Variants in TMEM154 observed in about 807,000 individuals in gnomAD.
The protein encoded by TMEM154 is transmembrane protein 154.
TMEM154 carries 27 observed loss-of-function variants against 24.5 expected under a neutral mutation model. That is an observed-to-expected ratio of 1.10 (90% CI 0.81 to 1.52). TMEM154 has a LOEUF of 1.52. TMEM154 is among the 40% of genes most tolerant of loss of function. The pLI is 0.00. For missense variants in TMEM154, 228 were observed against 213.4 expected, an observed-to-expected ratio of 1.07 and a Z score of -0.43; for synonymous variants, 67 against 76.8, an observed-to-expected ratio of 0.87 and a Z score of 0.67.
intron 1 of TMEM154, among the ~76,000 whole-genome samples, chr4:152,679,375 CTTTTTTT>C (rs370759340): frequency 7.1e-6 from 1 of 141,698 alleles, no homozygotes; most frequent in African/African-American, 2.6e-5. Flanking sequence ...TTCCCGTTTC[CTTTTTTT>C]TTTTTTAAGT....
chr4:152,651,063 A>G (rs1419790011), intron 3 of TMEM154, among the ~76,000 whole-genome samples: 2 of 152,234 alleles, frequency 1.3e-5, no homozygotes, highest in Non-Finnish European at 2.9e-5. Flanking sequence ...AGAATGGTAA[A>G]CAAGAATTGA....
rs1421521254 is a variant in TMEM154 at position 152,627,239 on chromosome 4, C to A, written c.*1307G>T. The A allele has an allele frequency of 6.6e-6, 1 of 152,196 alleles. No homozygotes were observed. Among genetic ancestry groups the A allele is most frequent in the Non-Finnish European group, 1.5e-5 (1 of 68,030 alleles). The allele number at this position is 152,196 out of a possible 1,614,324, so 9.4% of individuals were successfully genotyped here. On this transcript the variant is annotated 3_prime_UTR_variant, in exon 7 of 7. Coordinates refer to ENST00000304385, the MANE Select transcript of TMEM154 (RefSeq NM_152680.3). ...TTAGGGCAGACTTTCAAGCACAAGACACAAAATTGAGCAGCAAATGTTTGG... is the reference window on the plus strand; with the variant it reads ...TTAGGGCAGACTTTCAAGCACAAGAAACAAAATTGAGCAGCAAATGTTTGG...
chr4:152,647,311 T>C (rs1026827938), intron 3 of TMEM154: 2 of 985,214 alleles, frequency 2.0e-6, no homozygotes, highest in African/African-American at 1.7e-5. Flanking sequence ...TGACCTTCCA[T>C]GATAGTTGTA....
At chr4:152,663,628 C>G (rs1728660050) in intron 1 of TMEM154, among the ~76,000 whole-genome samples, 1 of 152,240 alleles carries the variant, frequency 6.6e-6, no homozygotes, top group Non-Finnish European at 1.5e-5. Context: ...GACCGCAACA[C>G]AAACTCTCCC....
intron 5 of TMEM154, 52 bp downstream of exon 5, chr4:152,643,036 C>G: frequency 7.5e-7 from 1 of 1,332,202 alleles, no homozygotes; most frequent in Non-Finnish European, 1.1e-6. Flanking sequence ...GCTGTTGCAG[C>G]CTTCTGTTAC....
chr4:152,629,295 C>T (rs938036834), intron 6 of TMEM154, among the ~76,000 whole-genome samples: 3 of 152,202 alleles, frequency 2.0e-5, no homozygotes, highest in African/African-American at 7.2e-5. Context: ...GTTTGTGGTC[C>T]TGGCATGTCT....
intron 1 of TMEM154, among the ~76,000 whole-genome samples, chr4:152,673,286 C>T (rs1480643612): frequency 6.6e-6 from 1 of 151,532 alleles, no homozygotes; most frequent in Non-Finnish European, 1.5e-5. Flanking sequence ...CCCGCTTCTG[C>T]ATAATAATTT....
chr4:152,632,404 G>C (rs985162006), intron 6 of TMEM154, among the ~76,000 whole-genome samples: 1 of 152,124 alleles, frequency 6.6e-6, no homozygotes, highest in Non-Finnish European at 1.5e-5. Context: ...AGCATGACAC[G>C]CTCCCTGTGA....
At chr4:152,651,605 T>C (rs1728384029) in intron 3 of TMEM154, among the ~76,000 whole-genome samples, 1 of 152,216 alleles carries the variant, frequency 6.6e-6, no homozygotes. Context: ...TGGATTAGGC[T>C]TAGGCTTAAG....
chr4:152,665,354 G>T (rs1186654009), intron 1 of TMEM154, among the ~76,000 whole-genome samples: 9 of 152,178 alleles, frequency 5.9e-5, no homozygotes, highest in Non-Finnish European at 2.9e-5. Flanking sequence ...AGCCACACCA[G>T]ATCATTCCCT....
At chr4:152,665,225 T>A (rs56129517) in intron 1 of TMEM154, among the ~76,000 whole-genome samples, 17,138 of 152,178 alleles carry the variant, frequency 0.11, 1,036 homozygotes, top group Middle Eastern at 0.17. Flanking sequence ...TCGATCAATC[T>A]AAATATTTAG....
At position 152,644,267 on chromosome 4, in the gene TMEM154, C is replaced by T. The variant is rs1579516350; in HGVS notation, c.392+148G>A. On this transcript the variant is annotated intron_variant, in intron 4 of 6. Coordinates refer to ENST00000304385, the MANE Select transcript of TMEM154 (RefSeq NM_152680.3). ...GGTTTGGGGATGCCAGCACATCCTC[C>T]CTCAGGCTGCCAAGGATCTCCAACC... 3.7e-6 allele frequency: 3 copies of T among 806,502 alleles called. No individual in the cohort carries two copies. The South Asian group carries it at 4.3e-5, about 12-fold the overall frequency. 50.0% of individuals were successfully genotyped at this position (806,502 alleles called of 1,614,324 possible). A position where few individuals can be genotyped will look rare whatever the true frequency, so the allele number is the denominator to read the frequency against.
At chr4:152,642,444 A>T (rs974873623) in intron 5 of TMEM154, among the ~76,000 whole-genome samples, 5 of 152,316 alleles carry the variant, frequency 3.3e-5, no homozygotes, top group African/African-American at 1.2e-4. Flanking sequence ...CCCATTATTG[A>T]TTTACTAAAA....
At chr4:152,645,849 G>C (rs935401066) in intron 3 of TMEM154, among the ~76,000 whole-genome samples, 3 of 151,680 alleles carry the variant, frequency 2.0e-5, no homozygotes, top group African/African-American at 7.3e-5. Flanking sequence ...GGAGCTGCAG[G>C]CTATGTCCTC....
intron 5 of TMEM154, chr4:152,641,201 C>T: frequency 2.0e-6 from 1 of 510,476 alleles, no homozygotes; most frequent in African/African-American, 2.0e-5. Flanking sequence ...TTCAACATGC[C>T]TCTGACACTG....
chr4:152,628,869 T>C (rs1477772092), intron 6 of TMEM154, among the ~76,000 whole-genome samples: 1 of 151,358 alleles, frequency 6.6e-6, no homozygotes, highest in Admixed American at 6.6e-5. Context: ...ATGGTCTCGA[T>C]CTCCTGACCT....
intron 1 of TMEM154, among the ~76,000 whole-genome samples, chr4:152,653,809 T>C (rs1486045850): frequency 1.3e-5 from 2 of 151,350 alleles, no homozygotes; most frequent in South Asian, 4.2e-4. Flanking sequence ...GAGGCTGAGG[T>C]GGGCAGATCA....
At chr4:152,648,333 A>G (rs1252709522) in intron 3 of TMEM154, among the ~76,000 whole-genome samples, 1 of 152,060 alleles carries the variant, frequency 6.6e-6, no homozygotes, top group Non-Finnish European at 1.5e-5. Context: ...ACGTTTTTTA[A>G]AAATGTCAAA....
intron 6 of TMEM154, among the ~76,000 whole-genome samples, chr4:152,637,797 CT>C (rs1752180044): frequency 6.6e-6 from 1 of 152,082 alleles, no homozygotes; most frequent in Non-Finnish European, 1.5e-5. Context: ...AATTCACAAG[CT>C]TTTAGAGAAA....
Sources: gnomAD v4.1 joint callset for allele counts (sites outside exome capture counted in the v4.1 genomes callset) on GRCh38, gnomAD v4.1.1 for gene constraint, MANE v1.5 for transcripts, NCBI Gene and HGNC (gene_info 2026-07-23, HGNC 2026-07-21) for gene names.